Variants in TNFSF8 observed in about 807,000 individuals in gnomAD.
The protein encoded by TNFSF8 is TNF superfamily member 8, also known as tumor necrosis factor ligand superfamily member 8.
In TNFSF8, 4 loss-of-function variants were observed where a neutral mutation model predicts 22.0. The ratio of observed to expected loss-of-function variants is 0.18; its 90% CI spans 0.09 to 0.42. TNFSF8 has a LOEUF of 0.42. Ranked by LOEUF, TNFSF8 falls within the 10% of genes least tolerant of loss-of-function variation. The pLI is 1.00. For synonymous variants in TNFSF8, 106 were observed against 112.5 expected (o/e 0.94, Z 0.37); for missense variants, 233 against 281.8 (o/e 0.83, Z 1.24).
downstream of TNFSF8, among the ~76,000 whole-genome samples, chr9:114,900,853 G>A (rs536876018): frequency 1.2e-4 from 18 of 152,258 alleles, no homozygotes; most frequent in South Asian, 1.5e-3. Flanking sequence ...GTGGTGGTGC[G>A]TGCCTGTAGT....
chr9:114,905,795 A>C, intron 3 of TNFSF8, 33 bp downstream of exon 3: 1 of 1,560,794 alleles, frequency 6.4e-7, no homozygotes, highest in Non-Finnish European at 8.8e-7. Context: ...AGCGGTTTTC[A>C]TATGTTTAGG....
At position 114,904,285 on chromosome 9, in the gene TNFSF8, T is replaced by C; in HGVS notation, c.351A>G (p.Lys117=). ...ATCTGACTCCATGGAGAATGCCATC[T>C]TTGTTCCAAGACAACTTGGTTTTGT... is the stretch of plus-strand genomic sequence containing the variant. ...HLNKTKLSWN[K]DGILHGVRYQ... Residue 117 remains lysine, a synonymous_variant, in exon 4 of 4, where the codon AAA becomes AAG. Transcript: ENST00000223795. The C allele has an allele frequency of 6.2e-7, 1 of 1,613,132 alleles. No individual in the cohort carries two copies.
intron 2 of TNFSF8, among the ~76,000 whole-genome samples, chr9:114,913,786 G>A (rs965931828): frequency 5.3e-5 from 8 of 152,160 alleles, no homozygotes; most frequent in African/African-American, 1.9e-4. Context: ...GGCTAATTAT[G>A]ATTCCTGGGG....
chr9:114,900,375 T>G (rs1827702145), downstream of TNFSF8, among the ~76,000 whole-genome samples: 1 of 152,184 alleles, frequency 6.6e-6, no homozygotes, highest in Non-Finnish European at 1.5e-5. Context: ...GAAGTCCCAT[T>G]GGTTGGAAGC....
intron 2 of TNFSF8, among the ~76,000 whole-genome samples, chr9:114,908,099 AAC>A: frequency 6.6e-6 from 1 of 152,268 alleles, no homozygotes; most frequent in South Asian, 2.1e-4. Flanking sequence ...CCTTGTTTGA[AAC>A]ACAGCCTAGC....
At chr9:114,916,778 A>G (rs1827924379) in intron 2 of TNFSF8, among the ~76,000 whole-genome samples, 1 of 152,218 alleles carries the variant, frequency 6.6e-6, no homozygotes, top group African/African-American at 2.4e-5. Context: ...GCTCAGCACT[A>G]CAACAGCAGA....
chr9:114,915,901 T>G (rs950910435), intron 2 of TNFSF8, among the ~76,000 whole-genome samples: 1 of 152,194 alleles, frequency 6.6e-6, no homozygotes, highest in African/African-American at 2.4e-5. Context: ...GTGGAAACAT[T>G]GAATTGTAAA....
At chr9:114,898,935 C>T (rs1017938701), downstream of TNFSF8, among the ~76,000 whole-genome samples, 2 of 152,104 alleles carry the variant, frequency 1.3e-5, no homozygotes, top group African/African-American at 2.4e-5. Flanking sequence ...ACTGCTGCCG[C>T]GAACAGGAAA....
chr9:114,928,278 T>C (rs1019804798), intron 1 of TNFSF8, among the ~76,000 whole-genome samples: 1 of 152,168 alleles, frequency 6.6e-6, no homozygotes, highest in South Asian at 2.1e-4. Flanking sequence ...GCTGTCTGTA[T>C]TGGCAAAGGG....
intron 2 of TNFSF8, among the ~76,000 whole-genome samples, chr9:114,911,584 C>A (rs1827852416): frequency 6.6e-6 from 1 of 152,126 alleles, no homozygotes; most frequent in Non-Finnish European, 1.5e-5. Context: ...AAACAAAGGA[C>A]CACTAGGTGA....
At chr9:114,895,332 GTGC>G (rs1217951778) in intron 4 of TNFSF8, among the ~76,000 whole-genome samples, 1 of 152,196 alleles carries the variant, frequency 6.6e-6, no homozygotes, top group African/African-American at 2.4e-5. Context: ...AGTGCAATCA[GTGC>G]TGCTTCTAGA....
downstream of TNFSF8, among the ~76,000 whole-genome samples, chr9:114,898,597 T>C (rs1376196383): frequency 6.6e-6 from 1 of 152,058 alleles, no homozygotes; most frequent in Non-Finnish European, 1.5e-5. Flanking sequence ...TCCTTGAGAT[T>C]TGGAATGTAG....
chr9:114,912,165 T>C (rs1328953469), intron 2 of TNFSF8, among the ~76,000 whole-genome samples: 3 of 152,180 alleles, frequency 2.0e-5, no homozygotes, highest in East Asian at 3.8e-4. Context: ...GTTTTCTTCT[T>C]AAAAGTGAGA....
chr9:114,914,804 G>A (rs1827898543), intron 2 of TNFSF8, among the ~76,000 whole-genome samples: 1 of 152,232 alleles, frequency 6.6e-6, no homozygotes, highest in Admixed American at 6.5e-5. Context: ...TACTGCCTGT[G>A]AGGTGTCAGT....
intron 2 of TNFSF8, among the ~76,000 whole-genome samples, chr9:114,909,779 T>G (rs1827830539): frequency 6.6e-6 from 1 of 152,194 alleles, no homozygotes; most frequent in African/African-American, 2.4e-5. Flanking sequence ...ATTCAGGTTT[T>G]CAGACACCTG....
downstream of TNFSF8, among the ~76,000 whole-genome samples, chr9:114,900,669 T>C (rs1476547175): frequency 6.6e-6 from 1 of 152,122 alleles, no homozygotes; most frequent in African/African-American, 2.4e-5. Flanking sequence ...ACTCAGTACA[T>C]GGTCAATATA....
At chr9:114,924,498 A>G (rs1241782728) in intron 1 of TNFSF8, among the ~76,000 whole-genome samples, 1 of 152,204 alleles carries the variant, frequency 6.6e-6, no homozygotes, top group Non-Finnish European at 1.5e-5. Flanking sequence ...ACTGAAGTAC[A>G]TGTGAGTGAA....
chr9:114,925,866 C>G (rs1380951385), intron 1 of TNFSF8, among the ~76,000 whole-genome samples: 1 of 152,160 alleles, frequency 6.6e-6, no homozygotes, highest in Admixed American at 6.5e-5. Context: ...ACAAAGACGT[C>G]TCTAAGGTTG....
intron 2 of TNFSF8, among the ~76,000 whole-genome samples, chr9:114,917,229 G>T (rs1827930632): frequency 1.3e-5 from 2 of 152,252 alleles, no homozygotes; most frequent in South Asian, 4.1e-4. Context: ...CTTACTTTTT[G>T]CTCTGAGCTT....
Sources: allele counts gnomAD v4.1 joint callset (sites outside exome capture counted in the v4.1 genomes callset), GRCh38; gene constraint gnomAD v4.1.1; transcripts MANE v1.5; gene names NCBI Gene and HGNC (gene_info 2026-07-23, HGNC 2026-07-21).